Variants in ZNF451 observed in about 807,000 individuals in gnomAD.
ZNF451 encodes the protein zinc finger protein 451.
In ZNF451, 80 loss-of-function variants were observed where a neutral mutation model predicts 107.1. The ratio of observed to expected loss-of-function variants is 0.75; its 90% CI spans 0.62 to 0.90. ZNF451 has a LOEUF of 0.90. ZNF451 is among the 40% of genes least tolerant of loss of function. The pLI, the probability that ZNF451 is intolerant of heterozygous loss-of-function variation, is 0.00. For synonymous variants in ZNF451, 362 were observed against 406.5 expected (o/e 0.89, Z 1.32); for missense variants, 1,107 against 1,236.2 (o/e 0.90, Z 1.57).
chr6:57,101,899 G>A (rs1324554146), intron 3 of ZNF451: 1 of 1,550,478 alleles, frequency 6.4e-7, no homozygotes, highest in South Asian at 1.2e-5. Context: ...TGTTGTTGCA[G>A]AAGACAACAA....
At chr6:57,113,418 A>T (rs1021707601) in intron 3 of ZNF451, among the ~76,000 whole-genome samples, 1 of 151,994 alleles carries the variant, frequency 6.6e-6, no homozygotes, top group Non-Finnish European at 1.5e-5. Flanking sequence ...TTGCTTTGCA[A>T]AAGTAAAATC....
intron 3 of ZNF451, chr6:57,108,549 A>G (rs1220785565): frequency 1.0e-6 from 1 of 985,236 alleles, no homozygotes; most frequent in African/African-American, 1.7e-5. Flanking sequence ...TTTACATCTA[A>G]CTACTGTTAG....
intron 3 of ZNF451, chr6:57,124,404 CCT>C (rs140521222): frequency 1.1e-3 from 713 of 658,292 alleles, no homozygotes; most frequent in Admixed American, 1.7e-3. Context: ...TCTTTATTTA[CCT>C]CTCTCTCTCT....
chr6:57,105,365 G>C, intron 3 of ZNF451: 3 of 984,314 alleles, frequency 3.0e-6, no homozygotes, highest in Non-Finnish European at 3.6e-6. Flanking sequence ...GAGAAGTACT[G>C]TTTCCATTTT....
Position 57,150,959 on chromosome 6 carries a change from T to C in ZNF451, c.2752+97T>C, listed in dbSNP as rs549097726. The C allele has an allele frequency of 1.2e-5, 16 of 1,367,702 alleles. No homozygotes were observed. In the African/African-American group the frequency reaches 2.3e-4, roughly 20 times the overall value. The allele number at this position is 1,367,702 out of a possible 1,614,324, so 84.7% of individuals were successfully genotyped here. On this transcript the variant is annotated intron_variant, in intron 11 of 14. Coordinates refer to ENST00000370706, the MANE Select transcript of ZNF451 (RefSeq NM_001031623.3). ...CTCTTAAACCTTCCTGGATAGAACATAGGAACATAATTGGAATATTGTTCT... is the reference window on the plus strand; with the variant it reads ...CTCTTAAACCTTCCTGGATAGAACACAGGAACATAATTGGAATATTGTTCT...
At chr6:57,108,727 T>C in intron 3 of ZNF451, 1 of 985,436 alleles carries the variant, frequency 1.0e-6, no homozygotes, top group Non-Finnish European at 1.2e-6. Flanking sequence ...GTGTGTTTAA[T>C]TGTCATCTTC....
At chr6:57,145,604 A>G (rs1282210452) in intron 9 of ZNF451, among the ~76,000 whole-genome samples, 2 of 152,206 alleles carry the variant, frequency 1.3e-5, no homozygotes, top group African/African-American at 2.4e-5. Flanking sequence ...CTCCAGTTCC[A>G]TACATGTTGC....
Position 57,148,297 on chromosome 6 carries a change from T to A in ZNF451, c.2212T>A (p.Tyr738Asn). The A allele has an allele frequency of 6.2e-7, 1 of 1,614,006 alleles. No homozygotes were observed. Among genetic ancestry groups the A allele is most frequent in the Non-Finnish European group, 8.5e-7 (1 of 1,179,958 alleles). The change falls in exon 10 of 15, where the codon TAT becomes AAT. Residue 738 changes from tyrosine (Y) to asparagine (N), a missense_variant. Around this residue, in one of 5 missense-constraint regions of ZNF451, gnomAD observed 608 missense variants for 649.2 expected, o/e 0.94. Coordinates refer to ENST00000370706, the MANE Select transcript of ZNF451 (RefSeq NM_001031623.3). ...YICKVNRKEDYSRCLQIMLDK... is the reference protein window; with the variant it reads ...YICKVNRKEDNSRCLQIMLDK... ...CTGTAAAGTCAACAGAAAAGAAGAT[T>A]ATAGCAGATGTCTCCAAATCATGCT...
chr6:57,138,733 ATATATATATG>A (rs1161925741), intron 7 of ZNF451, among the ~76,000 whole-genome samples: 15 of 111,070 alleles, frequency 1.4e-4, no homozygotes, highest in East Asian at 4.7e-4. Context: ...ATATATATAT[ATATATATATG>A]TGTGTGTGTG....
intron 13 of ZNF451, among the ~76,000 whole-genome samples, chr6:57,156,305 A>G (rs1216339747): frequency 6.6e-6 from 1 of 152,200 alleles, no homozygotes; most frequent in East Asian, 1.9e-4. Context: ...AATCAAAGAA[A>G]AATCATTTTC....
chr6:57,122,978 C>G (rs935793671), intron 3 of ZNF451, among the ~76,000 whole-genome samples: 1 of 152,032 alleles, frequency 6.6e-6, no homozygotes, highest in African/African-American at 2.4e-5. Flanking sequence ...AGTTTGAGAC[C>G]AGCTTGAGCA....
At chr6:57,128,980 G>T (rs1480039467) in intron 5 of ZNF451, 140 bp downstream of exon 5, 3 of 570,216 alleles carry the variant, frequency 5.3e-6, no homozygotes, top group Non-Finnish European at 9.0e-6. Flanking sequence ...CCTCATAATG[G>T]CCTACTTTAT....
intron 3 of ZNF451, chr6:57,107,966 G>A (rs1164630639): frequency 3.9e-6 from 2 of 509,462 alleles, no homozygotes; most frequent in African/African-American, 2.1e-5. Context: ...AGCCTCCTGA[G>A]TAGCTGGGAC....
At position 57,148,225 on chromosome 6, in the gene ZNF451, A is replaced by G. The variant is rs769945106; in HGVS notation, c.2140A>G (p.Ile714Val). Reference sequence around the variant, plus strand: ...TAAAACCGAAGATGATTTTCCAGTAATAGAGACCAGTAACCAGTTAACTTG... The same window carrying G: ...TAAAACCGAAGATGATTTTCCAGTAGTAGAGACCAGTAACCAGTTAACTTG... The part of the protein sequence containing the change: ...SIKTEDDFPV[I>V]ETSNQLTCGC... Residue 714 changes from isoleucine (I) to valine (V), a missense_variant, in exon 10 of 15, where the codon ATA becomes GTA. Transcript: ENST00000370706. 4.3e-6 allele frequency: 7 copies of G among 1,613,920 alleles called. No individual in the cohort carries two copies. The highest frequency in any genetic ancestry group is 5.9e-6 in the Non-Finnish European group (7 of 1,179,982).
At chr6:57,156,957 G>GGCTCACCTGCT (rs1213153226) in intron 13 of ZNF451, among the ~76,000 whole-genome samples, 4 of 152,288 alleles carry the variant, frequency 2.6e-5, no homozygotes, top group South Asian at 4.1e-4. Flanking sequence ...TGGTAATGCT[G>GGCTCACCTGCT]GCTCACCTGC....
chr6:57,095,818 TTGTTGTTGTTG>T (rs1829274548), intron 2 of ZNF451, among the ~76,000 whole-genome samples: 1 of 150,706 alleles, frequency 6.6e-6, no homozygotes, highest in Admixed American at 6.6e-5. Context: ...TTTTTTTTTG[TTGTTGTTGTTG>T]TTGTTGTTGT....
intron 5 of ZNF451, among the ~76,000 whole-genome samples, chr6:57,129,197 T>C (rs995473505): frequency 2.6e-5 from 4 of 152,224 alleles, no homozygotes; most frequent in African/African-American, 9.6e-5. Flanking sequence ...AAATGGAATT[T>C]AAACTGAGAT....
intron 2 of ZNF451, among the ~76,000 whole-genome samples, chr6:57,094,388 A>T (rs528747201): frequency 6.6e-6 from 1 of 152,138 alleles, no homozygotes; most frequent in East Asian, 1.9e-4. Context: ...AGCTTACTGC[A>T]GTTTTAAACT....
intron 3 of ZNF451, chr6:57,114,758 T>TCCCAAACAAAAAAA (rs1283723028): frequency 6.6e-6 from 1 of 152,212 alleles, no homozygotes; most frequent in African/African-American, 2.4e-5. Flanking sequence ...CTGAGATCCT[T>TCCCAAACAAAAAAA]AACATTTTTG....
Sources: allele counts gnomAD v4.1 joint callset (sites outside exome capture counted in the v4.1 genomes callset), GRCh38; gene constraint gnomAD v4.1.1; regional missense constraint gnomAD v4.1.1; transcripts MANE v1.5; gene names NCBI Gene and HGNC (gene_info 2026-07-23, HGNC 2026-07-21).